The following NPRL3 variants were observed in gnomAD, a reference collection of about 807,000 sequenced individuals.
The protein encoded by NPRL3 is GATOR1 complex protein NPRL3.
In NPRL3, 23 loss-of-function variants were observed where a neutral mutation model predicts 57.2. The observed-to-expected ratio is 0.40, with a 90% CI of 0.29 to 0.57. The LOEUF (loss-of-function observed/expected upper bound fraction) is 0.57. NPRL3 is among the 20% of genes least tolerant of loss of function. The probability of loss-of-function intolerance (pLI) is 0.42; values close to 1 mark genes in which losing one functional copy is unlikely to be tolerated. For synonymous variants in NPRL3, 333 were observed against 321.1 expected (o/e 1.04, Z -0.39); for missense variants, 691 against 767.1 (o/e 0.90, Z 1.17).
chr16:120,187 A>C (rs760063727), intron 3 of NPRL3, among the ~76,000 whole-genome samples: 3 of 152,158 alleles, frequency 2.0e-5, no homozygotes, highest in Non-Finnish European at 4.4e-5. Context: ...TCCCATACAT[A>C]TCTCTCCACC....
chr16:86,993 G>C, intron 13 of NPRL3, 123 bp from the exon 14 acceptor site: 1 of 1,014,922 alleles, frequency 9.9e-7, no homozygotes, highest in Non-Finnish European at 1.4e-6. Flanking sequence ...GGTGGTGAAG[G>C]CCAGGGAGGC....
intron 10 of NPRL3, 36 bp from the exon 11 acceptor site, chr16:92,761 A>AC (rs768274994): frequency 5.2e-5 from 84 of 1,606,762 alleles, no homozygotes; most frequent in Middle Eastern, 1.7e-4. Context: ...AGTGCAGCAG[A>AC]CCCCCCCACC....
rs140173041 is a variant in NPRL3 at position 92,838 on chromosome 16, C to T, written c.1032-113G>A. The T allele has an allele frequency of 2.3e-3, 3,177 of 1,386,778 alleles. 8 individuals carry two copies. The highest frequency in any genetic ancestry group is 2.8e-3 in the Non-Finnish European group (2,872 of 1,012,352). The allele number at this position is 1,386,778 out of a possible 1,614,324, so 85.9% of individuals were successfully genotyped here. ...GTGTGGCAGGTGGGTCAGGACAGTG[C>T]GATGAGGGCAGAACGGTATGAGGCC... On this transcript the variant is annotated intron_variant, in intron 10 of 13. Coordinates refer to ENST00000611875, the MANE Select transcript of NPRL3 (RefSeq NM_001077350.3).
Position 100,404 on chromosome 16 carries a change from T to TG in NPRL3, c.734dup (p.Glu246ArgfsTer21). 6.3e-7 allele frequency: 1 copy of TG among 1,599,588 alleles called. No individual in the cohort carries two copies. ...CTTTCAGGCTCCGTTCGATGGCCTC[T>TG]GGGGGGATCAGACTGGAGGCCGCAT... On this transcript the variant is annotated frameshift_variant, in exon 8 of 14. Coordinates refer to ENST00000611875, the MANE Select transcript of NPRL3 (RefSeq NM_001077350.3). LOFTEE classifies it high-confidence loss of function.
chr16:111,590 C>T (rs954012965), intron 6 of NPRL3, among the ~76,000 whole-genome samples: 8 of 151,900 alleles, frequency 5.3e-5, no homozygotes, highest in South Asian at 2.1e-4. Context: ...GCTGGAACTA[C>T]GGGCACATAT....
chr16:128,280 T>A (rs1409172260), intron 3 of NPRL3, among the ~76,000 whole-genome samples: 2 of 152,212 alleles, frequency 1.3e-5, no homozygotes, highest in African/African-American at 4.8e-5. Context: ...CCACGACATC[T>A]GGCCTATTTC....
intron 5 of NPRL3, among the ~76,000 whole-genome samples, chr16:116,796 C>CA (rs895676782): frequency 2.8e-5 from 4 of 144,606 alleles, no homozygotes; most frequent in African/African-American, 7.7e-5. Context: ...GACCCCCCCC[C>CA]CCCACCGATC....
intron 2 of NPRL3, among the ~76,000 whole-genome samples, chr16:134,708 T>TA (rs1567150283): frequency 7.1e-6 from 1 of 140,222 alleles, no homozygotes; most frequent in Non-Finnish European, 1.6e-5. Context: ...TTTTTTTTTT[T>TA]TTTTTTTTTT....
intron 3 of NPRL3, among the ~76,000 whole-genome samples, chr16:124,440 ATCC>A: frequency 6.6e-6 from 1 of 152,130 alleles, no homozygotes; most frequent in South Asian, 2.1e-4. Context: ...GGGTCAAGCA[ATCC>A]TCCTGCCTCG....
At chr16:106,627 A>AT (rs1225021341) in intron 7 of NPRL3, among the ~76,000 whole-genome samples, 20 of 100,374 alleles carry the variant, frequency 2.0e-4, no homozygotes, top group African/African-American at 3.6e-4. Flanking sequence ...CCTGCCTTAA[A>AT]TTAAAAAAAA....
At position 85,579 on chromosome 16, in the gene NPRL3, G is replaced by C. The variant is rs2141891855; in HGVS notation, c.*1126C>G. ...TGGCCATCAACAAGAGCTTTGACCA[G>C]AGGGACCTGGCACAGGATGAAGCTG... On this transcript the variant is annotated 3_prime_UTR_variant, in exon 14 of 14. Transcript: ENST00000611875. 1 of 1,613,256 alleles carries C rather than the reference G, an allele frequency of 6.2e-7. No individual in the cohort carries two copies. The highest frequency in any genetic ancestry group is 1.1e-5 in the South Asian group (1 of 91,064).
chr16:91,544 A>T (rs1898764772), intron 11 of NPRL3, among the ~76,000 whole-genome samples: 2 of 152,134 alleles, frequency 1.3e-5, no homozygotes, highest in Non-Finnish European at 2.9e-5. Context: ...GAGCACCAGC[A>T]GCTCCTCCCT....
chr16:131,858 T>C (rs1464020606), intron 2 of NPRL3, among the ~76,000 whole-genome samples: 2 of 152,308 alleles, frequency 1.3e-5, no homozygotes, highest in East Asian at 1.9e-4. Flanking sequence ...ACAGAACTTC[T>C]TTCAGAATTG....
At chr16:120,910 A>C (rs1900254294) in intron 3 of NPRL3, among the ~76,000 whole-genome samples, 1 of 152,150 alleles carries the variant, frequency 6.6e-6, no homozygotes. Flanking sequence ...ACGCCACCAA[A>C]CACTTCTGCT....
chr16:118,702 A>C (rs910544595), intron 4 of NPRL3, among the ~76,000 whole-genome samples: 1 of 152,242 alleles, frequency 6.6e-6, no homozygotes, highest in African/African-American at 2.4e-5. Context: ...CCAAGTGTCT[A>C]ATCAGGTCTC....
intron 7 of NPRL3, among the ~76,000 whole-genome samples, 161 bp downstream of exon 7, chr16:110,364 C>T (rs1389454282): frequency 6.6e-6 from 1 of 152,238 alleles, no homozygotes; most frequent in Admixed American, 6.5e-5. Flanking sequence ...ATGACCATCC[C>T]TTCCCAGTCC....
intron 12 of NPRL3, 185 bp from the exon 13 acceptor site, chr16:89,075 C>T: frequency 3.3e-6 from 2 of 613,856 alleles, no homozygotes; most frequent in South Asian, 4.0e-5. Context: ...ATACGGCTGA[C>T]TTGGGAAACG....
chr16:137,492 G>GTGA (rs1901155029), intron 2 of NPRL3, among the ~76,000 whole-genome samples: 1 of 152,072 alleles, frequency 6.6e-6, no homozygotes, highest in Admixed American at 6.6e-5. Flanking sequence ...ACGGCCAGGG[G>GTGA]TGATCCCTGT....
intron 3 of NPRL3, among the ~76,000 whole-genome samples, chr16:129,949 C>G (rs886231524): frequency 3.3e-5 from 5 of 152,168 alleles, no homozygotes; most frequent in African/African-American, 1.2e-4. Flanking sequence ...GTGGTCATTT[C>G]TAAAGTTTCT....
Sources: gnomAD v4.1 joint callset for allele counts (sites outside exome capture counted in the v4.1 genomes callset) on GRCh38, gnomAD v4.1.1 for gene constraint, MANE v1.5 for transcripts, NCBI Gene and HGNC (gene_info 2026-07-23, HGNC 2026-07-21) for gene names.